The following APOB variants were observed in gnomAD, a reference collection of about 807,000 sequenced individuals.
APOB encodes apolipoprotein B-100.
Under a neutral mutation model 314.1 loss-of-function variants are expected in APOB, and 153 were observed. That is an observed-to-expected ratio of 0.49 (90% CI 0.43 to 0.56). The LOEUF is 0.56. Ranked by LOEUF, APOB falls within the 20% of genes least tolerant of loss-of-function variation. APOB has a pLI of 0.00. For synonymous variants in APOB, 2,087 were observed against 2,036.4 expected, an observed-to-expected ratio of 1.02 and a Z score of -0.67; for missense variants, 5,430 against 5,350.7, an observed-to-expected ratio of 1.01 and a Z score of -0.46.
rs777825152 is a variant in APOB at position 21,008,937 on chromosome 2, C to A, written c.7931G>T (p.Arg2644Met). The A allele has an allele frequency of 9.3e-6, 15 of 1,613,846 alleles. No individual in the cohort carries two copies. The East Asian group carries it at 2.5e-4, about 26-fold the overall frequency. The change falls in exon 26 of 29, where the codon AGG becomes ATG. Residue 2644 changes from arginine to methionine, a missense_variant. This residue lies in a region of APOB where 3,281 missense variants were observed against 3,171.0 expected (regional missense o/e 1.03). Coordinates refer to ENST00000233242, the MANE Select transcript of APOB (RefSeq NM_000384.3). ...GATGGTAAATTCTGGTGTGGAAAACCTGGATGGGATTTTTATATTTTTTAA... is the reference window on the plus strand; with the variant it reads ...GATGGTAAATTCTGGTGTGGAAAACATGGATGGGATTTTTATATTTTTTAA... ...KDLKNIKIPSRFSTPEFTILN... is the reference protein window; with the variant it reads ...KDLKNIKIPSMFSTPEFTILN...
At position 21,023,043 on chromosome 2, in the gene APOB, C is replaced by T. The variant is rs750528356; in HGVS notation, c.2605-1G>A. On this transcript the variant is annotated splice_acceptor_variant, in intron 17 of 28. Transcript: ENST00000233242. LOFTEE classifies it high-confidence loss of function. ...GTTTTGCCACCAGTTCAGCCTGCAT[C>T]TATAAGTCAGAAAACAACCTATTCA... The T allele has an allele frequency of 6.2e-7, 1 of 1,613,968 alleles. No homozygotes were observed. Among genetic ancestry groups the T allele is most frequent in the Non-Finnish European group, 8.5e-7 (1 of 1,179,848 alleles).
chr2:21,005,086 G>T lies in APOB; in HGVS notation c.11782C>A (p.Leu3928Ile), dbSNP rs764635907. Residue 3928 changes from leucine (L) to isoleucine (I), a missense_variant, in exon 26 of 29, where the codon CTA (leucine) becomes ATA (isoleucine). This residue lies in a region of APOB where 3,281 missense variants were observed against 3,171.0 expected (regional missense o/e 1.03). Transcript: ENST00000233242. ...GAGGCAGGATATTTCTTACCATTTA[G>T]TTCATATTCTAGGAACTGTACGGTT... ...SSTVQFLEYE[L>I]NVLGTHKIED... 1 of 1,613,770 alleles carries T rather than the reference G, an allele frequency of 6.2e-7. No homozygotes were observed. The highest frequency in any genetic ancestry group is 1.1e-5 in the South Asian group (1 of 91,080).
At chr2:21,040,531 T>C (rs951194513) in intron 4 of APOB, among the ~76,000 whole-genome samples, 2 of 152,180 alleles carry the variant, frequency 1.3e-5, no homozygotes, top group African/African-American at 2.4e-5. Context: ...ACCGAAGCCT[T>C]GGTGCTCCTC....
chr2:21,017,774 T>C (rs1277447682), intron 20 of APOB, among the ~76,000 whole-genome samples: 1 of 152,194 alleles, frequency 6.6e-6, no homozygotes, highest in Non-Finnish European at 1.5e-5. Context: ...CCATTTTATA[T>C]CCTTCGTAAA....
intron 4 of APOB, among the ~76,000 whole-genome samples, chr2:21,040,024 C>CG (rs1343637924): frequency 1.3e-5 from 2 of 152,090 alleles, no homozygotes; most frequent in African/African-American, 4.8e-5. Flanking sequence ...GGGAGGGACC[C>CG]GGGGGGAGGT....
Position 21,005,959 on chromosome 2 carries a change from C to G in APOB, c.10909G>C (p.Val3637Leu). ...TGGAAAGACCCAGAATGAATCCGGA[C>G]TTCATTTTTCCATCTGATCTTCTGG... ...KNQKIRWKNE[V>L]RIHSGSFQSQ... The change falls in exon 26 of 29, where the codon GTC (valine) becomes CTC (leucine). Residue 3637 changes from valine (V) to leucine (L), a missense_variant. Physicochemically the swap from Val to Leu is conservative, Grantham distance 32. Coordinates refer to ENST00000233242, the MANE Select transcript of APOB (RefSeq NM_000384.3). 6.2e-7 allele frequency: 1 copy of G among 1,613,896 alleles called. No homozygotes were observed. Among genetic ancestry groups the G allele is most frequent in the Non-Finnish European group, 8.5e-7 (1 of 1,179,942 alleles).
chr2:21,037,283 G>C, intron 5 of APOB, 28 bp from the exon 6 acceptor site: 1 of 1,608,802 alleles, frequency 6.2e-7, no homozygotes, highest in African/African-American at 1.3e-5. Flanking sequence ...GCAACCACAT[G>C]TATTCAACAC....
Position 21,005,296 on chromosome 2 carries a change from G to A in APOB, c.11572C>T (p.Pro3858Ser). Residue 3858 changes from proline to serine, a missense_variant, in exon 26 of 29, where the codon CCT (proline) becomes TCT (serine). Pro to Ser is a moderately conservative substitution (Grantham distance 74). Around this residue, in one of 3 missense-constraint regions of APOB, gnomAD observed 3,281 missense variants for 3,171.0 expected, o/e 1.03. Transcript: ENST00000233242. ...ADFELPTIIV[P>S]EQTIEIPSIK... The stretch of plus-strand genomic sequence containing the variant: ...GAGGGAATCTCAATGGTCTGCTCAG[G>A]CACGATGATGGTGGGCAACTCAAAG... The A allele has an allele frequency of 6.2e-7, 1 of 1,614,046 alleles. No individual in the cohort carries two copies. The highest frequency in any genetic ancestry group is 8.5e-7 in the Non-Finnish European group (1 of 1,179,952).
rs1663308538 is a variant in APOB, at chr2:21,011,167, C to T, written c.5701G>A (p.Ala1901Thr). 7 of 1,614,022 alleles carry T rather than the reference C, an allele frequency of 4.3e-6. No individual in the cohort carries two copies. Among genetic ancestry groups the T allele is most frequent in the Non-Finnish European group, 5.9e-6 (7 of 1,180,034 alleles). ...GCATCGATGGTCATGGTAAACGGGG[C>T]CATTACAGAACGGAAGACATTGCTG... ...HFSNVFRSVM[A>T]PFTMTIDAHT... Residue 1901 changes from alanine (A) to threonine (T), a missense_variant, in exon 26 of 29, where the codon GCC (alanine) becomes ACC (threonine). Physicochemically the swap from Ala to Thr is moderately conservative, Grantham distance 58. This residue lies in a region of APOB where 3,281 missense variants were observed against 3,171.0 expected (regional missense o/e 1.03). Transcript: ENST00000233242.
Position 21,007,990 on chromosome 2 carries a change from A to G in APOB, c.8878T>C (p.Ser2960Pro). The change falls in exon 26 of 29, where the codon TCC (serine) becomes CCC (proline). Residue 2960 changes from serine (S) to proline (P), a missense_variant. Transcript: ENST00000233242. Reference protein sequence around the residue: ...IEGPLTSFGLSNKINSKHLRV... With the variant: ...IEGPLTSFGLPNKINSKHLRV... ...AGGTGTTTGCTATTGATCTTATTGG[A>G]CAGTCCAAAGGAAGTGAGGGGTCCT... 6.2e-7 allele frequency: 1 copy of G among 1,614,120 alleles called. No individual in the cohort carries two copies.
Position 21,013,349 on chromosome 2 carries a change from G to A in APOB, c.4027C>T (p.Pro1343Ser), listed in dbSNP as rs374427541. Residue 1343 changes from proline to serine, a missense_variant, in exon 25 of 29, where the codon CCC becomes TCC. Pro to Ser is a moderately conservative substitution (Grantham distance 74). This residue lies in a region of APOB where 2,085 missense variants were observed against 2,079.7 expected (regional missense o/e 1.00). Coordinates refer to ENST00000233242, the MANE Select transcript of APOB (RefSeq NM_000384.3). ...GGCACTTGCAGTTGATACAACTTGGGAATGGTAAAAGTAGGGACTTGGAAC... is the reference window on the plus strand; with the variant it reads ...GGCACTTGCAGTTGATACAACTTGGAAATGGTAAAAGTAGGGACTTGGAAC... ...REFQVPTFTI[P>S]KLYQLQVPLL... is the part of the protein sequence containing the mutation. 28 of 1,614,072 alleles carry A rather than the reference G, an allele frequency of 1.7e-5. No homozygotes were observed. The highest frequency in any genetic ancestry group is 4.4e-5 in the South Asian group (4 of 91,080).
chr2:21,032,380 C>A lies in APOB; in HGVS notation c.1326G>T (p.Leu442Phe). Residue 442 changes from leucine (L) to phenylalanine (F), a missense_variant, in exon 10 of 29, where the codon TTG becomes TTT. Transcript: ENST00000233242. ...TGTTGACCGCGTGGCTCAGCGCATA[C>A]AAGGTGGCTCGGCTGCGCTGATCCC... is the stretch of plus-strand genomic sequence containing the variant. ...MARDQRSRAT[L>F]YALSHAVNNY... The A allele has an allele frequency of 1.9e-6, 3 of 1,613,858 alleles. No individual in the cohort carries two copies. The highest frequency in any genetic ancestry group is 2.5e-6 in the Non-Finnish European group (3 of 1,180,038).
At position 21,038,029 on chromosome 2, in the gene APOB, T is replaced by C. The variant is rs1305924115; in HGVS notation, c.466A>G (p.Ile156Val). 3 of 1,614,112 alleles carry C rather than the reference T, an allele frequency of 1.9e-6. No homozygotes were observed. The highest frequency in any genetic ancestry group is 1.7e-5 in the Admixed American group (1 of 60,010). ...AGGGCAGAAATGATGCCCCTCTTGA[T>C]GTTCAGGATGTAAGTAGGTTCATCT... The part of the protein sequence containing the change: ...EKDEPTYILN[I>V]KRGIISALLV... The change falls in exon 5 of 29, where the codon ATC becomes GTC. Residue 156 changes from isoleucine (I) to valine (V), a missense_variant. Physicochemically the swap from Ile to Val is conservative, Grantham distance 29 (BLOSUM62 3). Transcript: ENST00000233242.
chr2:21,007,629 G>T lies in APOB; in HGVS notation c.9239C>A (p.Pro3080His), dbSNP rs1429705510. ...FLNNYALFLS[P>H]SAQQASWQVS... Reference sequence around the variant, plus strand: ...TTGCCAACTTGCTTGCTGGGCACTGGGACTCAGAAACAGTGCATAGTTATT... The same window carrying T: ...TTGCCAACTTGCTTGCTGGGCACTGTGACTCAGAAACAGTGCATAGTTATT... The change falls in exon 26 of 29, where the codon CCC becomes CAC. Residue 3080 changes from proline to histidine, a missense_variant. By Grantham distance (77) the Pro-to-His change is moderately conservative (BLOSUM62 -2). Coordinates refer to ENST00000233242, the MANE Select transcript of APOB (RefSeq NM_000384.3). The T allele has an allele frequency of 3.1e-6, 5 of 1,613,978 alleles. No individual in the cohort carries two copies. The South Asian group carries it at 4.4e-5, about 14-fold the overall frequency.
Position 21,025,612 on chromosome 2 carries a change from GA to G in APOB, c.2245-489del, listed in dbSNP as rs561445661. Among the ~76,000 whole-genome samples, 47 of 149,550 alleles carry G rather than the reference GA, an allele frequency of 3.1e-4. 1 individual carries two copies. Among genetic ancestry groups the G allele is most frequent in the Middle Eastern group, 3.5e-3 (1 of 288 alleles). On this transcript the variant is annotated intron_variant, in intron 15 of 28. Transcript: ENST00000233242. ...TCAGAGATGGATGCCCAGGCATTGG[GA>G]AAAAAAAAATGTGAAACTGACAGAC...
At chr2:21,043,645 T>C in intron 1 of APOB, 94 bp from the exon 2 acceptor site, 1 of 1,536,578 alleles carries the variant, frequency 6.5e-7, no homozygotes, top group Non-Finnish European at 8.8e-7. Context: ...GGTTTCACCT[T>C]TCAGGAGGGA....
chr2:21,022,747 A>T, intron 18 of APOB, 84 bp downstream of exon 18: 2 of 1,296,446 alleles, frequency 1.5e-6, no homozygotes, highest in Non-Finnish European at 1.1e-6. Context: ...ATCTCAATCA[A>T]CTGTTTAGCC....
At chr2:21,035,971 T>C (rs201220385) in intron 6 of APOB, among the ~76,000 whole-genome samples, 1 of 152,176 alleles carries the variant, frequency 6.6e-6, no homozygotes, top group Non-Finnish European at 1.5e-5. Context: ...TCCCACCACA[T>C]AGCCCCTCAC....
rs766898429 is a variant in APOB, at chr2:21,011,866, C to T, written c.5002G>A (p.Glu1668Lys). ...CCAAGCTCTGCATTCAGCTCATTCT[C>T]CAGCACCAGGAGACTACACTTCAAG... ...TNLKCSLLVL[E>K]NELNAELGLS... is the part of the protein sequence containing the mutation. The change falls in exon 26 of 29, where the codon GAG becomes AAG. Residue 1668 changes from glutamate (E) to lysine (K), a missense_variant. By Grantham distance (56) the Glu-to-Lys change is moderately conservative. Coordinates refer to ENST00000233242, the MANE Select transcript of APOB (RefSeq NM_000384.3). The T allele has an allele frequency of 3.7e-6, 6 of 1,613,916 alleles. No homozygotes were observed. The highest frequency in any genetic ancestry group is 5.1e-6 in the Non-Finnish European group (6 of 1,180,008).
Sources: allele counts gnomAD v4.1 joint callset (sites outside exome capture counted in the v4.1 genomes callset), GRCh38; gene constraint gnomAD v4.1.1; regional missense constraint gnomAD v4.1.1; transcripts MANE v1.5; gene names NCBI Gene and HGNC (gene_info 2026-07-23, HGNC 2026-07-21).